Variants in AGXT2 observed in about 807,000 individuals in gnomAD.
AGXT2 encodes the protein alanine--glyoxylate aminotransferase 2, mitochondrial.
Under a neutral mutation model 62.5 loss-of-function variants are expected in AGXT2, and 61 were observed. That is an observed-to-expected ratio of 0.98 (90% CI 0.79 to 1.21). The LOEUF is 1.21. Ranked by LOEUF, AGXT2 falls within the 50% of genes most tolerant of loss-of-function variation. The pLI, the probability that AGXT2 is intolerant of heterozygous loss-of-function variation, is 0.00. For synonymous variants in AGXT2, 243 were observed against 218.7 expected, an observed-to-expected ratio of 1.11 and a Z score of -0.98; for missense variants, 666 against 641.5, an observed-to-expected ratio of 1.04 and a Z score of -0.41.
intron 1 of AGXT2, among the ~76,000 whole-genome samples, chr5:35,046,324 G>C (rs1004117441): frequency 6.6e-6 from 1 of 152,148 alleles, no homozygotes; most frequent in Non-Finnish European, 1.5e-5. Flanking sequence ...GCATAAGACT[G>C]GTTATAATTT....
intron 12 of AGXT2, among the ~76,000 whole-genome samples, chr5:35,007,953 T>TTC (rs147431828): frequency 8.0e-5 from 12 of 150,526 alleles, no homozygotes; most frequent in Admixed American, 2.0e-4. Flanking sequence ...ATCTCTTGCT[T>TTC]TCTCTCTCTC....
rs768087349 is a variant in AGXT2, at chr5:35,039,354, A to T, written c.332T>A (p.Ile111Asn). ...GSRYLDFFSG[I>N]VTVSVGHCHP... The stretch of plus-strand genomic sequence containing the variant: ...GCAATGGCCAACACTGACAGTAACA[A>T]TCCCGGAAAAGAAATCCAGGTATCT... The change falls in exon 3 of 14, where the codon ATT (isoleucine) becomes AAT (asparagine). Residue 111 changes from isoleucine (I) to asparagine (N), a missense_variant. Physicochemically the swap from Ile to Asn is moderately radical, Grantham distance 149. Coordinates refer to ENST00000231420, the MANE Select transcript of AGXT2 (RefSeq NM_031900.4). 2.5e-6 allele frequency: 4 copies of T among 1,614,130 alleles called. No homozygotes were observed. In the South Asian group the frequency reaches 4.4e-5, roughly 18 times the overall value.
chr5:35,009,859 C>T (rs1766561392), intron 12 of AGXT2, 141 bp downstream of exon 12: 1 of 1,133,260 alleles, frequency 8.8e-7, no homozygotes, highest in Middle Eastern at 2.1e-4. Flanking sequence ...ACACTCTCTA[C>T]TAATCTCTAA....
At chr5:35,038,762 C>T (rs908682776) in intron 3 of AGXT2, among the ~76,000 whole-genome samples, 6 of 152,180 alleles carry the variant, frequency 3.9e-5, no homozygotes, top group African/African-American at 1.2e-4. Flanking sequence ...AAACCAAGAA[C>T]GCTCCAAGGG....
At chr5:35,038,235 T>C (rs952291280) in intron 3 of AGXT2, among the ~76,000 whole-genome samples, 1 of 152,224 alleles carries the variant, frequency 6.6e-6, no homozygotes, top group Non-Finnish European at 1.5e-5. Context: ...GGAGTATCAG[T>C]AAATCCTTGA....
chr5:35,033,147 G>T (rs62358295), intron 6 of AGXT2: 5 of 482,682 alleles, frequency 1.0e-5, no homozygotes, highest in Non-Finnish European at 1.9e-5. Context: ...TACAGTAAGT[G>T]GGAACAGAAG....
chr5:35,026,180 A>G, intron 8 of AGXT2: 2 of 605,556 alleles, frequency 3.3e-6, no homozygotes, highest in South Asian at 4.1e-5. Context: ...CCTCTTCTTA[A>G]GAATTTTAGG....
At chr5:35,004,917 G>T (rs1015435729) in intron 12 of AGXT2, among the ~76,000 whole-genome samples, 2 of 152,110 alleles carry the variant, frequency 1.3e-5, no homozygotes, top group Non-Finnish European at 2.9e-5. Flanking sequence ...AGAATAAGAT[G>T]GGACCTCCTA....
intron 12 of AGXT2, among the ~76,000 whole-genome samples, chr5:35,008,552 T>G (rs1766514364): frequency 6.6e-6 from 1 of 152,244 alleles, no homozygotes; most frequent in South Asian, 2.1e-4. Context: ...TTATGACTTG[T>G]GAGCTCTTCT....
At chr5:35,025,947 A>C in intron 8 of AGXT2, 92 bp from the exon 9 acceptor site, 1 of 1,081,606 alleles carries the variant, frequency 9.2e-7, no homozygotes, top group South Asian at 1.3e-5. Flanking sequence ...CATCATTATC[A>C]TGACAGTAAC....
intron 3 of AGXT2, among the ~76,000 whole-genome samples, chr5:35,038,744 C>T (rs560092481): frequency 1.3e-5 from 2 of 152,320 alleles, no homozygotes; most frequent in Admixed American, 6.5e-5. Flanking sequence ...AATGAGAGCA[C>T]TGCATGGAAA....
intron 9 of AGXT2, among the ~76,000 whole-genome samples, chr5:35,017,300 C>T (rs1482663080): frequency 6.6e-6 from 1 of 152,122 alleles, no homozygotes; most frequent in Non-Finnish European, 1.5e-5. Context: ...GTTGTTTAAC[C>T]ACCTTGGACC....
intron 9 of AGXT2, among the ~76,000 whole-genome samples, chr5:35,023,861 ATATTTATTTATTTATTTATTTATT>A (rs72046873): frequency 5.6e-5 from 8 of 143,964 alleles, no homozygotes; most frequent in South Asian, 2.3e-4. Flanking sequence ...GCTGTAGGGA[ATATTTATTTATTTATTTATTTATT>A]TATTTATTTA....
intron 13 of AGXT2, among the ~76,000 whole-genome samples, chr5:34,999,759 G>A (rs1343593958): frequency 6.6e-6 from 1 of 152,024 alleles, no homozygotes; most frequent in Non-Finnish European, 1.5e-5. Context: ...AAGCTGCCAC[G>A]CAAGACAAAC....
chr5:35,010,048 G>A lies in AGXT2; in HGVS notation c.1290C>T (p.Asp430=), dbSNP rs758630572. Residue 430 remains aspartate (D), a synonymous_variant, in exon 12 of 14, where the codon GAC becomes GAT. Coordinates refer to ENST00000231420, the MANE Select transcript of AGXT2 (RefSeq NM_031900.4). ...KLRDEFEIVG[D]VRGKGLMIGI... ...CTATCATGAGACCTTTGCCTCGGACGTCTCCAACAATTTCAAATTCATCCC... is the reference window on the plus strand; with the variant it reads ...CTATCATGAGACCTTTGCCTCGGACATCTCCAACAATTTCAAATTCATCCC... 15 of 1,614,178 alleles carry A rather than the reference G, an allele frequency of 9.3e-6. No individual in the cohort carries two copies. Among genetic ancestry groups the A allele is most frequent in the Admixed American group, 3.3e-5 (2 of 60,022 alleles).
At chr5:35,012,910 T>A in intron 11 of AGXT2, 44 bp downstream of exon 11, 1 of 1,514,404 alleles carries the variant, frequency 6.6e-7, no homozygotes, top group Non-Finnish European at 9.0e-7. Flanking sequence ...TTTGAAAGAG[T>A]CATTTGTGAA....
chr5:35,012,527 CCTTG>C, intron 11 of AGXT2: 1 of 230,938 alleles, frequency 4.3e-6, no homozygotes, highest in South Asian at 6.6e-5. Flanking sequence ...AGCTGAATTA[CCTTG>C]CTGTAAGCAC....
intron 9 of AGXT2, among the ~76,000 whole-genome samples, chr5:35,025,103 C>A (rs1037839579): frequency 1.3e-5 from 2 of 152,146 alleles, no homozygotes; most frequent in South Asian, 4.1e-4. Flanking sequence ...AGGCCTGGCA[C>A]GGTGGCTCAC....
intron 1 of AGXT2, among the ~76,000 whole-genome samples, chr5:35,045,404 A>C (rs537818157): frequency 2.3e-4 from 35 of 152,280 alleles, no homozygotes; most frequent in Non-Finnish European, 4.3e-4. Context: ...TATTGGATAC[A>C]TACATAAATA....
Sources: gnomAD v4.1 joint callset for allele counts (sites outside exome capture counted in the v4.1 genomes callset) on GRCh38, gnomAD v4.1.1 for gene constraint, MANE v1.5 for transcripts, NCBI Gene and HGNC (gene_info 2026-07-23, HGNC 2026-07-21) for gene names.